Variants in DYNC1H1 observed in about 807,000 individuals in gnomAD.
The protein encoded by DYNC1H1 is cytoplasmic dynein 1 heavy chain 1.
In DYNC1H1, 51 loss-of-function variants were observed where a neutral mutation model predicts 527.1. That is an observed-to-expected ratio of 0.10 (90% CI 0.08 to 0.12). The LOEUF is 0.12. DYNC1H1 is among the 10% of genes least tolerant of loss of function. The pLI is 1.00. For synonymous variants in DYNC1H1, 2,189 were observed against 2,278.8 expected (o/e 0.96, Z 1.12); for missense variants, 2,771 against 5,971.8 (o/e 0.46, Z 17.66).
At position 102,012,744 on chromosome 14, in the gene DYNC1H1, G is replaced by C. The variant is rs2048271849; in HGVS notation, c.7014+274G>C. 2.1e-6 allele frequency: 1 copy of C among 482,400 alleles called. No homozygotes were observed. The highest frequency in any genetic ancestry group is 2.0e-5 in the African/African-American group (1 of 51,042). The allele number at this position is 482,400 out of a possible 1,614,324, so 29.9% of individuals were successfully genotyped here. A position where few individuals can be genotyped will look rare whatever the true frequency, so the allele number is the denominator to read the frequency against. On this transcript the variant is annotated intron_variant, in intron 34 of 77. Transcript: ENST00000360184. The surrounding 1 kb of genome is among the most constrained non-coding windows in gnomAD (Gnocchi z 4.9). ...GATTATCAGTTAACCCTGTATGGTG[G>C]GGTTGTCGTTAAGGTTTCTTAAGCT...
chr14:101,981,485 C>T (rs145765345), intron 5 of DYNC1H1, among the ~76,000 whole-genome samples: 47 of 152,290 alleles, frequency 3.1e-4, no homozygotes, highest in African/African-American at 1.0e-3. Context: ...TGCATTAGCA[C>T]GTACTAGGTC....
In DYNC1H1 at chr14:101,997,414, C is replaced by T; in HGVS notation, c.3804+140C>T. The T allele has an allele frequency of 6.9e-7, 1 of 1,443,286 alleles. No individual in the cohort carries two copies. Among genetic ancestry groups the T allele is most frequent in the Non-Finnish European group, 9.4e-7 (1 of 1,064,680 alleles). 89.4% of individuals were successfully genotyped at this position (1,443,286 alleles called of 1,614,324 possible). On this transcript the variant is annotated intron_variant, in intron 16 of 77. Transcript: ENST00000360184. The surrounding 1 kb of genome is among the most constrained non-coding windows in gnomAD (Gnocchi z 4.8). ...CTTTTCCTTTTTGTAGTTAAAAAAG[C>T]AGATGGAGATAGCAAATGTGAAAAT...
In DYNC1H1 at chr14:101,983,245, G is replaced by A; in HGVS notation, c.1188G>A (p.Leu396=). ...TGAGTTCTCAATTACTCAAAGTATT[G>A]GGCACTAGGAAATTGATGCATGTTG... The part of the protein sequence containing the change: ...RDLSSQLLKV[L]GTRKLMHVAY... Residue 396 remains leucine, a synonymous_variant, in exon 6 of 78, where the codon TTG becomes TTA. Coordinates refer to ENST00000360184, the MANE Select transcript of DYNC1H1 (RefSeq NM_001376.5). This position sits in a 1 kb window ranked among gnomAD's most constrained non-coding sequence, Gnocchi z 5.3. 6.2e-7 allele frequency: 1 copy of A among 1,614,162 alleles called. No individual in the cohort carries two copies. The highest frequency in any genetic ancestry group is 8.5e-7 in the Non-Finnish European group (1 of 1,180,028).
chr14:102,026,137 C>T (rs1393262234), intron 43 of DYNC1H1, among the ~76,000 whole-genome samples: 1 of 151,998 alleles, frequency 6.6e-6, no homozygotes, highest in African/African-American at 2.4e-5. Flanking sequence ...AGGGCAGGCC[C>T]TCACACCTGG....
intron 28 of DYNC1H1, 74 bp from the exon 29 acceptor site, chr14:102,008,104 T>G: frequency 6.2e-7 from 1 of 1,602,424 alleles, no homozygotes; most frequent in Non-Finnish European, 8.5e-7. Context: ...ACATACTGAT[T>G]TGTGGCAAGG....
intron 23 of DYNC1H1, among the ~76,000 whole-genome samples, chr14:102,004,038 G>A (rs570319950): frequency 1.2e-4 from 18 of 151,756 alleles, no homozygotes; most frequent in African/African-American, 1.7e-4. Flanking sequence ...TCAGGAGATC[G>A]AGACCATCCT....
At chr14:101,982,175 A>C (rs1032057013) in intron 5 of DYNC1H1, among the ~76,000 whole-genome samples, 11 of 152,172 alleles carry the variant, frequency 7.2e-5, no homozygotes, top group African/African-American at 2.2e-4. Flanking sequence ...TCCTTATGAG[A>C]ATCTAATGCC....
chr14:102,019,115 G>T (rs1226923181), intron 41 of DYNC1H1, among the ~76,000 whole-genome samples: 1 of 152,216 alleles, frequency 6.6e-6, no homozygotes, highest in Non-Finnish European at 1.5e-5. Context: ...GTGTATGTAT[G>T]TGTATATGAT....
chr14:101,999,082 A>G (rs1023698017), intron 16 of DYNC1H1, among the ~76,000 whole-genome samples: 10 of 151,830 alleles, frequency 6.6e-5, no homozygotes, highest in Non-Finnish European at 7.4e-5. Flanking sequence ...CGGGGTTTCA[A>G]TGTGTTAGCC....
At position 102,039,337 on chromosome 14, in the gene DYNC1H1, T is replaced by G; in HGVS notation, c.11461-75T>G. The G allele has an allele frequency of 3.1e-6, 5 of 1,612,444 alleles. No individual in the cohort carries two copies. In the South Asian group the frequency reaches 5.5e-5, roughly 18 times the overall value. The stretch of plus-strand genomic sequence containing the variant: ...ACAGAGGCTGGCGGGCCCTGCACAG[T>G]AGCTCCTTGGCCACGCAGAAGTTCA... On this transcript the variant is annotated intron_variant, in intron 60 of 77. Coordinates refer to ENST00000360184, the MANE Select transcript of DYNC1H1 (RefSeq NM_001376.5). This position sits in a 1 kb window ranked among gnomAD's most constrained non-coding sequence, Gnocchi z 7.0.
intron 34 of DYNC1H1, among the ~76,000 whole-genome samples, chr14:102,013,320 CAAAATG>C (rs2048280892): frequency 7.5e-6 from 1 of 133,406 alleles, no homozygotes; most frequent in Admixed American, 7.6e-5. Context: ...ATTGGACAAA[CAAAATG>C]AATAGTGATT....
At position 102,004,085 on chromosome 14, in the gene DYNC1H1, CA is replaced by C. The variant is rs542865755; in HGVS notation, c.4884-424del. Among the ~76,000 whole-genome samples the C allele has an allele frequency of 2.0e-5, 3 of 149,020 alleles. No homozygotes were observed. In the East Asian group the frequency reaches 6.0e-4, roughly 30 times the overall value. On this transcript the variant is annotated intron_variant, in intron 23 of 77. Transcript: ENST00000360184. ...TGAAACCCCGTCTCTACTAAAAATA[CA>C]AAAAAAAATTAGCCGGGCGTGGTGG... is the stretch of plus-strand genomic sequence containing the variant.
chr14:101,996,804 G>A lies in DYNC1H1; in HGVS notation c.3565-231G>A, dbSNP rs183319109. On this transcript the variant is annotated intron_variant, in intron 15 of 77. Transcript: ENST00000360184. Reference sequence around the variant, plus strand: ...GCCTGGCTAATTTTTTTCTTTTTAAGTAGAGATGAAGTCCTGCCATGTTGC... The same window carrying A: ...GCCTGGCTAATTTTTTTCTTTTTAAATAGAGATGAAGTCCTGCCATGTTGC... Among the ~76,000 whole-genome samples the A allele has an allele frequency of 4.9e-4, 74 of 151,972 alleles. 1 individual carries two copies. The highest frequency in any genetic ancestry group is 1.7e-3 in the African/African-American group (72 of 41,432).
chr14:102,029,999 G>C lies in DYNC1H1; in HGVS notation c.9762+61G>C, dbSNP rs1019469348. The C allele has an allele frequency of 7.0e-5, 113 of 1,613,052 alleles. No individual in the cohort carries two copies. Among genetic ancestry groups the C allele is most frequent in the Non-Finnish European group, 9.2e-5 (109 of 1,179,736 alleles). ...AGCATTTTCAGTCTCCAATGAGAGA[G>C]TAGGAAATGTAGTTCCAAATGGGTC... On this transcript the variant is annotated intron_variant, in intron 50 of 77. Coordinates refer to ENST00000360184, the MANE Select transcript of DYNC1H1 (RefSeq NM_001376.5). This position sits in a 1 kb window ranked among gnomAD's most constrained non-coding sequence, Gnocchi z 5.3.
Position 102,048,210 on chromosome 14 carries a change from G to GA in DYNC1H1, c.13218+185dup, listed in dbSNP as rs534841249. 160 of 807,828 alleles carry GA rather than the reference G, an allele frequency of 2.0e-4. No individual in the cohort carries two copies. The African/African-American group carries it at 2.4e-3, about 12-fold the overall frequency. The allele number at this position is 807,828 out of a possible 1,614,324, so 50.0% of individuals were successfully genotyped here. ...TTGGGCAAGATGAGTTGGCCCTTTTGAAATGGACTGAAAACACCCTAGAAG... is the reference window on the plus strand; with the variant it reads ...TTGGGCAAGATGAGTTGGCCCTTTTGAAAATGGACTGAAAACACCCTAGAAG... On this transcript the variant is annotated intron_variant, in intron 73 of 77. Coordinates refer to ENST00000360184, the MANE Select transcript of DYNC1H1 (RefSeq NM_001376.5).
rs757360582 is a variant in DYNC1H1, at chr14:102,001,011, C to A, written c.4132C>A (p.Arg1378=). ...GCTGAAAAGCTTCCCTGCCCGGTTG[C>A]GACAGTATGCGTCCTATGAGTTTGT... The part of the protein sequence containing the change: ...NQLKSFPARL[R]QYASYEFVQR... The change falls in exon 19 of 78, where the codon CGA becomes AGA. Residue 1378 remains arginine (R), a synonymous_variant. Transcript: ENST00000360184. The surrounding 1 kb of genome is among the most constrained non-coding windows in gnomAD (Gnocchi z 5.0). The A allele has an allele frequency of 6.2e-7, 1 of 1,614,184 alleles. No individual in the cohort carries two copies. Among genetic ancestry groups the A allele is most frequent in the Non-Finnish European group, 8.5e-7 (1 of 1,180,040 alleles).
intron 42 of DYNC1H1, 59 bp from the exon 43 acceptor site, chr14:102,022,692 A>G (rs966081004): frequency 1.2e-6 from 2 of 1,612,584 alleles, no homozygotes; most frequent in South Asian, 2.2e-5. Context: ...CATGGTGAAC[A>G]TGGTGCTTCT....
chr14:101,992,218 T>C (rs897444690), intron 11 of DYNC1H1, among the ~76,000 whole-genome samples: 2 of 152,224 alleles, frequency 1.3e-5, no homozygotes. Context: ...TGGCACAACT[T>C]CTGCTATTGC....
chr14:101,974,322 C>G (rs1235415390), intron 1 of DYNC1H1, among the ~76,000 whole-genome samples: 1 of 152,226 alleles, frequency 6.6e-6, no homozygotes, highest in Non-Finnish European at 1.5e-5. Context: ...TGGTCTCGAA[C>G]TCTCTACCTC....
Sources: allele counts gnomAD v4.1 joint callset (sites outside exome capture counted in the v4.1 genomes callset), GRCh38; gene constraint gnomAD v4.1.1; non-coding constraint Gnocchi (gnomAD v3.1); transcripts MANE v1.5; gene names NCBI Gene and HGNC (gene_info 2026-07-23, HGNC 2026-07-21).